NRDC: variants seen among roughly 807,000 people sequenced by gnomAD.
NRDC encodes the protein nardilysin.
NRDC carries 54 observed loss-of-function variants against 147.1 expected under a neutral mutation model. The observed-to-expected ratio is 0.37, with a 90% CI of 0.29 to 0.46. The LOEUF is 0.46. Among genes scored for constraint, NRDC ranks in the 20% least tolerant of loss-of-function variants. NRDC has a pLI of 1.00. For missense variants in NRDC, 1,082 were observed against 1,370.6 expected, an observed-to-expected ratio of 0.79 and a Z score of 3.33; for synonymous variants, 440 against 482.1, an observed-to-expected ratio of 0.91 and a Z score of 1.14.
intron 4 of NRDC, among the ~76,000 whole-genome samples, chr1:51,831,827 C>A (rs1680726207): frequency 6.6e-6 from 1 of 151,782 alleles, no homozygotes; most frequent in Admixed American, 6.6e-5. Context: ...GATCCACACA[C>A]CTTGGCCTCC....
chr1:51,837,407 C>T (rs755529150), intron 2 of NRDC: 102 of 1,309,926 alleles, frequency 7.8e-5, no homozygotes, highest in Middle Eastern at 2.0e-4. Flanking sequence ...GGCACATAAA[C>T]TCAGTTAAAA....
rs778883126 is a variant in NRDC, at chr1:51,790,787, T to C, written c.3051+113A>G. 8.2e-6 allele frequency: 8 copies of C among 975,736 alleles called. No homozygotes were observed. In the East Asian group the frequency reaches 1.2e-4, roughly 15 times the overall value. 60.4% of individuals were successfully genotyped at this position (975,736 alleles called of 1,614,324 possible). A position where few individuals can be genotyped will look rare whatever the true frequency, so the allele number is the denominator to read the frequency against. On this transcript the variant is annotated intron_variant, in intron 28 of 30. Coordinates refer to ENST00000352171, the MANE Select transcript of NRDC (RefSeq NM_001101662.2). The stretch of plus-strand genomic sequence containing the variant: ...GGATGAAGCTAGGGAGACACTATTG[T>C]AAGAGGAAGGTGGGGCTGCAAAGCT...
intron 14 of NRDC, among the ~76,000 whole-genome samples, chr1:51,812,370 A>G (rs1185549569): frequency 6.6e-6 from 1 of 152,182 alleles, no homozygotes; most frequent in Non-Finnish European, 1.5e-5. Flanking sequence ...TTTACAAAAA[A>G]TGCAAAAATA....
chr1:51,795,677 G>C (rs933558778), intron 22 of NRDC: 2 of 156,188 alleles, frequency 1.3e-5, no homozygotes, highest in Non-Finnish European at 2.8e-5. Flanking sequence ...CTGAGGAAAA[G>C]GCCTTAGTCA....
chr1:51,805,468 A>G, intron 19 of NRDC, 42 bp downstream of exon 19: 1 of 1,410,026 alleles, frequency 7.1e-7, no homozygotes, highest in African/African-American at 1.5e-5. Context: ...GTTTTTCAAT[A>G]ACTAAAAAAT....
intron 1 of NRDC, among the ~76,000 whole-genome samples, chr1:51,859,286 T>C: frequency 6.6e-6 from 1 of 152,264 alleles, no homozygotes; most frequent in Non-Finnish European, 1.5e-5. Flanking sequence ...TTGTATGTAA[T>C]ATTTAGTAAA....
intron 1 of NRDC, among the ~76,000 whole-genome samples, chr1:51,872,252 G>A (rs1683121144): frequency 6.6e-6 from 1 of 152,190 alleles, no homozygotes; most frequent in South Asian, 2.1e-4. Context: ...CGCCCAAAGT[G>A]CTAGGATTAC....
At chr1:51,865,631 T>C (rs1313501756) in intron 1 of NRDC, among the ~76,000 whole-genome samples, 3 of 152,142 alleles carry the variant, frequency 2.0e-5, no homozygotes, top group African/African-American at 7.2e-5. Flanking sequence ...AAGAAAAATA[T>C]AGGCTGATCT....
chr1:51,868,910 C>T (rs1682949679), intron 1 of NRDC, among the ~76,000 whole-genome samples: 2 of 152,100 alleles, frequency 1.3e-5, no homozygotes, highest in Non-Finnish European at 2.9e-5. Context: ...TAAAATGTTA[C>T]CAGTGGTTAA....
Position 51,878,688 on chromosome 1 carries a change from G to A in NRDC, c.-73C>T. 2.2e-6 allele frequency: 3 copies of A among 1,366,410 alleles called. No individual in the cohort carries two copies. Among genetic ancestry groups the A allele is most frequent in the South Asian group, 1.3e-5 (1 of 75,282 alleles). The allele number at this position is 1,366,410 out of a possible 1,614,324, so 84.6% of individuals were successfully genotyped here. On this transcript the variant is annotated 5_prime_UTR_variant, in exon 1 of 31. Transcript: ENST00000352171. ...TCCTCCGCGTTCTAGAGGCGGTGGCGGCCGGCCCTGGTGCTGCCGCAGCCG... is the reference window on the plus strand; with the variant it reads ...TCCTCCGCGTTCTAGAGGCGGTGGCAGCCGGCCCTGGTGCTGCCGCAGCCG...
At chr1:51,863,015 A>AAG (rs1682622513) in intron 1 of NRDC, among the ~76,000 whole-genome samples, 1 of 135,930 alleles carries the variant, frequency 7.4e-6, no homozygotes. Context: ...GTGTGGAGGA[A>AAG]AAAAAAAAAA....
At chr1:51,853,563 T>G (rs1334189702) in intron 1 of NRDC, among the ~76,000 whole-genome samples, 1 of 152,160 alleles carries the variant, frequency 6.6e-6, no homozygotes, top group East Asian at 1.9e-4. Flanking sequence ...TGGTGGGGAG[T>G]GGCATCCTAT....
intron 21 of NRDC, chr1:51,798,637 C>A: frequency 2.4e-6 from 1 of 416,660 alleles, no homozygotes; most frequent in Non-Finnish European, 4.3e-6. Context: ...AATGCACTTA[C>A]CTGTCTCAGT....
At chr1:51,874,087 T>C (rs7413471) in intron 1 of NRDC, among the ~76,000 whole-genome samples, 76,016 of 148,544 alleles carry the variant, frequency 0.51, 20,638 homozygotes, top group East Asian at 0.93. Context: ...TGATGGTGCC[T>C]CTGTACTCCA....
Position 51,878,700 on chromosome 1 carries a change from TG to T in NRDC, c.-86del, listed in dbSNP as rs1347584099. ...TAGAGGCGGTGGCGGCCGGCCCTGG[TG>T]CTGCCGCAGCCGCGGGGAACAGGCC... On this transcript the variant is annotated 5_prime_UTR_variant, in exon 1 of 31. Coordinates refer to ENST00000352171, the MANE Select transcript of NRDC (RefSeq NM_001101662.2). The T allele has an allele frequency of 1.7e-5, 21 of 1,246,844 alleles. No homozygotes were observed. Among genetic ancestry groups the T allele is most frequent in the Non-Finnish European group, 2.1e-5 (19 of 892,376 alleles). 77.2% of individuals were successfully genotyped at this position (1,246,844 alleles called of 1,614,324 possible). A position where few individuals can be genotyped will look rare whatever the true frequency, so the allele number is the denominator to read the frequency against.
intron 4 of NRDC, among the ~76,000 whole-genome samples, chr1:51,832,042 CTTTT>C (rs1162167908): frequency 6.6e-6 from 1 of 151,732 alleles, no homozygotes; most frequent in Admixed American, 6.6e-5. Flanking sequence ...TTTATTTTAT[CTTTT>C]TTATTTTATT....
chr1:51,860,809 CAA>C (rs1274558342), intron 1 of NRDC, among the ~76,000 whole-genome samples: 1 of 152,194 alleles, frequency 6.6e-6, no homozygotes, highest in Non-Finnish European at 1.5e-5. Context: ...TAGAATATTA[CAA>C]GAGAGATAGT....
chr1:51,839,921 A>T (rs1681180769), intron 2 of NRDC: 1 of 190,080 alleles, frequency 5.3e-6, no homozygotes, highest in African/African-American at 2.3e-5. Context: ...TTTTTAAAAC[A>T]TATAATGTAT....
Position 51,878,547 on chromosome 1 carries a change from C to G in NRDC, c.69G>C (p.Glu23Asp). Residue 23 changes from glutamate (E) to aspartate (D), a missense_variant, in exon 1 of 31, where the codon GAG (glutamate) becomes GAC (aspartate). By Grantham distance (45) the Glu-to-Asp change is conservative (BLOSUM62 2). Transcript: ENST00000352171. ...TTTCGATTCCCCAGAGCGCCGCGAG[C>G]TCCCGCCCGGCCTCACACAACTTCC... ...TRRKLCEAGRELAALWGIETR... is the reference protein window; with the variant it reads ...TRRKLCEAGRDLAALWGIETR... 1 of 1,613,602 alleles carries G rather than the reference C, an allele frequency of 6.2e-7. No individual in the cohort carries two copies. Among genetic ancestry groups the G allele is most frequent in the Non-Finnish European group, 8.5e-7 (1 of 1,179,844 alleles).
Sources: allele counts gnomAD v4.1 joint callset (sites outside exome capture counted in the v4.1 genomes callset), GRCh38; gene constraint gnomAD v4.1.1; transcripts MANE v1.5; gene names NCBI Gene and HGNC (gene_info 2026-07-23, HGNC 2026-07-21).